KL: variants seen among roughly 807,000 people sequenced by gnomAD.
KL encodes the protein klotho.
In KL, 62 loss-of-function variants were observed where a neutral mutation model predicts 84.2. The observed-to-expected ratio is 0.74, with a 90% confidence interval of 0.60 to 0.91. KL has a LOEUF of 0.91. Among genes scored for constraint, KL ranks in the 40% least tolerant of loss-of-function variants. The pLI is 0.00. For missense variants in KL, 1,261 were observed against 1,305.7 expected (o/e 0.97, Z 0.53); for synonymous variants, 528 against 528.0 (o/e 1.00, Z 0.00).
chr13:33,025,908 C>A (rs1870755452), intron 1 of KL, among the ~76,000 whole-genome samples: 1 of 152,182 alleles, frequency 6.6e-6, no homozygotes, highest in Admixed American at 6.5e-5. Context: ...TATTAAATTT[C>A]ATCTCCAATG....
chr13:33,047,715 T>C (rs971123036), intron 1 of KL, among the ~76,000 whole-genome samples: 5 of 152,262 alleles, frequency 3.3e-5, no homozygotes, highest in Admixed American at 6.5e-5. Context: ...TTTGGGTTTA[T>C]GTTTACAATC....
At chr13:33,046,942 T>G (rs1871553658) in intron 1 of KL, among the ~76,000 whole-genome samples, 1 of 152,204 alleles carries the variant, frequency 6.6e-6, no homozygotes, top group Non-Finnish European at 1.5e-5. Flanking sequence ...TCCACGTATT[T>G]GTGAATATTC....
At position 33,064,299 on chromosome 13, in the gene KL, T is replaced by C; in HGVS notation, c.*113T>C. ...CTGTAAATTTCATACATTTGACTTC[T>C]AGAAAACATTTTTGTGGCTTATGAC... is the stretch of plus-strand genomic sequence containing the variant. On this transcript the variant is annotated 3_prime_UTR_variant, in exon 5 of 5. Coordinates refer to ENST00000380099, the MANE Select transcript of KL (RefSeq NM_004795.4). 1 of 832,974 alleles carries C rather than the reference T, an allele frequency of 1.2e-6. No individual in the cohort carries two copies. Among genetic ancestry groups the C allele is most frequent in the African/African-American group, 1.7e-5 (1 of 58,298 alleles). 51.6% of individuals were successfully genotyped at this position (832,974 alleles called of 1,614,324 possible). A position where few individuals can be genotyped will look rare whatever the true frequency, so the allele number is the denominator to read the frequency against.
chr13:33,021,670 A>G (rs1870580401), intron 1 of KL, among the ~76,000 whole-genome samples: 1 of 152,020 alleles, frequency 6.6e-6, no homozygotes, highest in African/African-American at 2.4e-5. Context: ...ATCACCTGAG[A>G]TCAGGAGTTT....
intron 1 of KL, among the ~76,000 whole-genome samples, chr13:33,027,199 T>C (rs1249315586): frequency 1.3e-5 from 2 of 152,202 alleles, no homozygotes; most frequent in East Asian, 3.8e-4. Context: ...TATAGTATCT[T>C]TTCTTCTCTA....
chr13:33,038,958 AG>A (rs1172084068), intron 1 of KL, among the ~76,000 whole-genome samples: 1 of 152,214 alleles, frequency 6.6e-6, no homozygotes, highest in African/African-American at 2.4e-5. Context: ...GTTACATAAA[AG>A]TCAGAAAATC....
chr13:33,024,266 T>C (rs1472640424), intron 1 of KL, among the ~76,000 whole-genome samples: 1 of 152,236 alleles, frequency 6.6e-6, no homozygotes, highest in Non-Finnish European at 1.5e-5. Context: ...TCTTGAGAGC[T>C]TACCCTGTGG....
At position 33,061,613 on chromosome 13, in the gene KL, T is replaced by G. The variant is rs1167677876; in HGVS notation, c.2534T>G (p.Val845Gly). 10 of 1,614,046 alleles carry G rather than the reference T, an allele frequency of 6.2e-6. No individual in the cohort carries two copies. Among genetic ancestry groups the G allele is most frequent in the Non-Finnish European group, 7.6e-6 (9 of 1,180,036 alleles). ...DITWLNSPSQ[V>G]AVVPWGLRKV... ...ACGTGGCTCAACTCCCCCAGTCAGG[T>G]GGCGGTAGTGCCCTGGGGGTTGCGC... Residue 845 changes from valine (V) to glycine (G), a missense_variant, in exon 4 of 5, where the codon GTG becomes GGG. Transcript: ENST00000380099.
At chr13:33,047,053 C>T (rs889462269) in intron 1 of KL, among the ~76,000 whole-genome samples, 11 of 151,994 alleles carry the variant, frequency 7.2e-5, no homozygotes, top group Non-Finnish European at 1.5e-4. Context: ...GACTTATTTT[C>T]TGGTCTAACA....
In KL at chr13:33,054,031, G is replaced by A; in HGVS notation, c.1084G>A (p.Gly362Arg). 3 of 1,612,766 alleles carry A rather than the reference G, an allele frequency of 1.9e-6. No homozygotes were observed. Among genetic ancestry groups the A allele is most frequent in the Non-Finnish European group, 2.5e-6 (3 of 1,179,046 alleles). The change falls in exon 2 of 5, where the codon GGA becomes AGA. Residue 362 changes from glycine (G) to arginine (R), a missense_variant. Transcript: ENST00000380099. ...TGAATCTGAGAAAAAGTTCATCAAA[G>A]GAACTGCTGACTTTTTTGCTCTTTG... ...FTESEKKFIK[G>R]TADFFALCFG... is the part of the protein sequence containing the mutation.
intron 3 of KL, 198 bp downstream of exon 3, chr13:33,055,513 G>A (rs1871926863): frequency 4.5e-6 from 3 of 659,492 alleles, no homozygotes; most frequent in Admixed American, 5.0e-5. Flanking sequence ...TCTTGTTTAA[G>A]TTAGATCCAA....
rs371650258 is a variant in KL at position 33,055,310 on chromosome 13, A to G, written c.1594A>G (p.Ile532Val). 40 of 1,614,086 alleles carry G rather than the reference A, an allele frequency of 2.5e-5. No individual in the cohort carries two copies. The highest frequency in any genetic ancestry group is 3.1e-5 in the Non-Finnish European group (36 of 1,180,044). Reference sequence around the variant, plus strand: ...TGCTTGGGGAGTTGTTGACAACTACATTCAAGTAAGTCAGCTGACAAAACC... The same window carrying G: ...TGCTTGGGGAGTTGTTGACAACTACGTTCAAGTAAGTCAGCTGACAAAACC... ...DFAWGVVDNY[I>V]QVDTTLSQFT... is the part of the protein sequence containing the mutation. The change falls in exon 3 of 5, where the codon ATT becomes GTT. Residue 532 changes from isoleucine (I) to valine (V), a missense_variant. By Grantham distance (29) the Ile-to-Val change is conservative. Transcript: ENST00000380099.
intron 1 of KL, among the ~76,000 whole-genome samples, chr13:33,037,952 G>A (rs960254282): frequency 3.9e-5 from 6 of 152,138 alleles, no homozygotes; most frequent in African/African-American, 1.4e-4. Flanking sequence ...TTTTTATTCT[G>A]CACTTCCAAA....
chr13:33,063,498 C>A (rs1381131196), intron 4 of KL, among the ~76,000 whole-genome samples: 1 of 152,040 alleles, frequency 6.6e-6, no homozygotes, highest in African/African-American at 2.4e-5. Flanking sequence ...AGTGGCCGGG[C>A]GTGGTGACTC....
rs143356894 is a variant in KL, at chr13:33,022,046, G to A, written c.819+4787G>A. Among the ~76,000 whole-genome samples the A allele has an allele frequency of 2.1e-3, 325 of 152,222 alleles. 2 individuals carry two copies. The highest frequency in any genetic ancestry group is 2.7e-3 in the Non-Finnish European group (183 of 67,998). The stretch of plus-strand genomic sequence containing the variant: ...TTTTTGAACACATTGTTTTTTGAAG[G>A]TTACAGTCAAGTCCAAGAAAAAATT... On this transcript the variant is annotated intron_variant, in intron 1 of 4. Coordinates refer to ENST00000380099, the MANE Select transcript of KL (RefSeq NM_004795.4).
At chr13:33,031,468 T>C (rs2138201593) in intron 1 of KL, among the ~76,000 whole-genome samples, 1 of 152,328 alleles carries the variant, frequency 6.6e-6, no homozygotes, top group East Asian at 1.9e-4. Flanking sequence ...TTCTGCACGC[T>C]TAATAATGAG....
chr13:33,024,637 G>A (rs1276725409), intron 1 of KL, among the ~76,000 whole-genome samples: 2 of 152,232 alleles, frequency 1.3e-5, no homozygotes, highest in African/African-American at 4.8e-5. Flanking sequence ...AGGCAAGCCC[G>A]TTGCCCTGTC....
chr13:33,053,728 C>T (rs1408576987), intron 1 of KL, 39 bp from the exon 2 acceptor site: 27 of 1,601,768 alleles, frequency 1.7e-5, no homozygotes, highest in Non-Finnish European at 2.3e-5. Flanking sequence ...TTTCTCCTCA[C>T]AACTAGAGAT....
At chr13:33,030,598 G>A (rs775473144) in intron 1 of KL, among the ~76,000 whole-genome samples, 34 of 152,100 alleles carry the variant, frequency 2.2e-4, no homozygotes, top group Non-Finnish European at 4.0e-4. Context: ...GCAGACTCCC[G>A]ACATCAGGAG....
Sources: allele counts gnomAD v4.1 joint callset (sites outside exome capture counted in the v4.1 genomes callset), GRCh38; gene constraint gnomAD v4.1.1; transcripts MANE v1.5; gene names NCBI Gene and HGNC (gene_info 2026-07-23, HGNC 2026-07-21).